C9orf43: variants seen among roughly 807,000 people sequenced by gnomAD.
The protein encoded by C9orf43 is uncharacterized protein C9orf43.
In C9orf43, 45 loss-of-function variants were observed where a neutral mutation model predicts 59.1. The ratio of observed to expected loss-of-function variants is 0.76; its 90% confidence interval spans 0.60 to 0.98. The LOEUF is 0.98. C9orf43 is among the 50% of genes least tolerant of loss of function. The pLI, the probability that C9orf43 is intolerant of heterozygous loss-of-function variation, is 0.00. For synonymous variants in C9orf43, 203 were observed against 196.8 expected (o/e 1.03, Z -0.26); for missense variants, 533 against 554.9 (o/e 0.96, Z 0.40).
intron 3 of C9orf43, among the ~76,000 whole-genome samples, chr9:113,414,976 C>T (rs7857708): frequency 5.9e-5 from 9 of 152,100 alleles, no homozygotes; most frequent in African/African-American, 1.2e-4. Context: ...GAATTACAGG[C>T]GTGCACCACC....
At position 113,425,365 on chromosome 9, in the gene C9orf43, G is replaced by GGCAGCAGCAGCA; in HGVS notation, c.897_908dup (p.Gln301_Gln304dup). 1.2e-6 allele frequency: 2 copies of GGCAGCAGCAGCA among 1,612,518 alleles called. No homozygotes were observed. The highest frequency in any genetic ancestry group is 1.7e-6 in the Non-Finnish European group (2 of 1,179,238). On this transcript the variant is annotated inframe_insertion, in exon 10 of 14. Coordinates refer to ENST00000374165, the MANE Select transcript of C9orf43 (RefSeq NM_001278629.2). Reference sequence around the variant, plus strand: ...CCAGGTTACAGGAAACAGCAGCAGCGGCAGCAGCAGCAGCAGCAGCAACAG... The same window carrying GGCAGCAGCAGCA: ...CCAGGTTACAGGAAACAGCAGCAGCGGCAGCAGCAGCAGCAGCAGCAGCAGCAGCAGCAACAG...
Position 113,421,198 on chromosome 9 carries a change from T to C in C9orf43, c.441T>C (p.His147=), listed in dbSNP as rs997372986. 2 of 1,603,148 alleles carry C rather than the reference T, an allele frequency of 1.2e-6. No homozygotes were observed. The highest frequency in any genetic ancestry group is 1.1e-5 in the South Asian group (1 of 90,838). The change falls in exon 5 of 14, where the codon CAT becomes CAC. Residue 147 remains histidine, a synonymous_variant. Coordinates refer to ENST00000374165, the MANE Select transcript of C9orf43 (RefSeq NM_001278629.2). The part of the protein sequence containing the change: ...VLWIPEETEI[H]VSQHGKKKRK... ...GGATCCCAGAAGAAACAGAGATACA[T>C]GTGAGGTGAGTATCATATCTGGAAC... is the stretch of plus-strand genomic sequence containing the variant.
rs746305455 is a variant in C9orf43 at position 113,421,250 on chromosome 9, C to A, written c.446+47C>A. 5.2e-6 allele frequency: 7 copies of A among 1,344,204 alleles called. No homozygotes were observed. The East Asian group carries it at 1.6e-4, about 31-fold the overall frequency. 83.3% of individuals were successfully genotyped at this position (1,344,204 alleles called of 1,614,324 possible). A position where few individuals can be genotyped will look rare whatever the true frequency, so the allele number is the denominator to read the frequency against. ...CAGAGGACTTTGACTCTATAAATCCCTGATGTCTTCTGCAGCGTCCTTTTT... is the reference window on the plus strand; with the variant it reads ...CAGAGGACTTTGACTCTATAAATCCATGATGTCTTCTGCAGCGTCCTTTTT... On this transcript the variant is annotated intron_variant, in intron 5 of 13. Transcript: ENST00000374165.
At position 113,413,631 on chromosome 9, in the gene C9orf43, C is replaced by T. The variant is rs1828253108; in HGVS notation, c.138C>T (p.Pro46=). 6.2e-7 allele frequency: 1 copy of T among 1,614,138 alleles called. No individual in the cohort carries two copies. The highest frequency in any genetic ancestry group is 8.5e-7 in the Non-Finnish European group (1 of 1,179,960). Residue 46 remains proline (P), a synonymous_variant, in exon 2 of 14, where the codon CCC becomes CCT. Transcript: ENST00000374165. The part of the protein sequence containing the change: ...PRILGSSCKT[P]LDAEDKLPVL... Reference sequence around the variant, plus strand: ...TCCTCGGCTCATCCTGCAAAACTCCCCTGGATGCTGAAGGTGAATTAGCCA... The same window carrying T: ...TCCTCGGCTCATCCTGCAAAACTCCTCTGGATGCTGAAGGTGAATTAGCCA...
At chr9:113,412,521 G>A (rs998566299) in intron 1 of C9orf43, among the ~76,000 whole-genome samples, 2 of 152,158 alleles carry the variant, frequency 1.3e-5, no homozygotes, top group South Asian at 2.1e-4. Flanking sequence ...TCCTTAAAAA[G>A]TTCTTAGGAA....
chr9:113,416,691 T>G (rs1828372675), intron 3 of C9orf43, among the ~76,000 whole-genome samples: 1 of 152,172 alleles, frequency 6.6e-6, no homozygotes, highest in African/African-American at 2.4e-5. Flanking sequence ...GGTTTTTTTT[T>G]TTGTTCTTTT....
Position 113,413,578 on chromosome 9 carries a change from C to G in C9orf43, c.85C>G (p.Arg29Gly), listed in dbSNP as rs140393057. 5.0e-6 allele frequency: 8 copies of G among 1,614,064 alleles called. No homozygotes were observed. Among genetic ancestry groups the G allele is most frequent in the East Asian group, 2.2e-5 (1 of 44,892 alleles). ...GCACCCACAATGCTGGGCAACTATC[C>G]GCCGCATTGAGAGGGGCCATCCTCG... Reference protein sequence around the residue: ...CQHPQCWATIRRIERGHPRIL... With the variant: ...CQHPQCWATIGRIERGHPRIL... The change falls in exon 2 of 14, where the codon CGC (arginine) becomes GGC (glycine). Residue 29 changes from arginine (R) to glycine (G), a missense_variant. Coordinates refer to ENST00000374165, the MANE Select transcript of C9orf43 (RefSeq NM_001278629.2).
At chr9:113,425,302 G>A in intron 9 of C9orf43, 42 bp from the exon 10 acceptor site, 1 of 1,611,322 alleles carries the variant, frequency 6.2e-7, no homozygotes, top group Non-Finnish European at 8.5e-7. Flanking sequence ...TGGGAGAGAG[G>A]GGGCTGTTAG....
chr9:113,413,315 A>C, intron 1 of C9orf43, 130 bp from the exon 2 acceptor site: 2 of 777,724 alleles, frequency 2.6e-6, no homozygotes, highest in Non-Finnish European at 3.7e-6. Flanking sequence ...TCCAATCTTT[A>C]ATTATTTTGT....
chr9:113,421,319 A>C, intron 5 of C9orf43, 116 bp downstream of exon 5: 1 of 710,506 alleles, frequency 1.4e-6, no homozygotes, highest in Admixed American at 2.2e-5. Context: ...GCAGGAGGCC[A>C]AGCAGAGAAG....
At chr9:113,425,893 C>T (rs1180975308) in intron 11 of C9orf43, among the ~76,000 whole-genome samples, 163 bp downstream of exon 11, 1 of 152,174 alleles carries the variant, frequency 6.6e-6, no homozygotes, top group East Asian at 1.9e-4. Flanking sequence ...CATGCACCAT[C>T]CTTCCCTCAT....
chr9:113,423,214 C>A, intron 6 of C9orf43, 112 bp from the exon 7 acceptor site: 2 of 1,025,698 alleles, frequency 1.9e-6, no homozygotes, highest in South Asian at 1.6e-5. Context: ...TCAGAGGAGG[C>A]AACCATGGCT....
chr9:113,421,012 G>C, intron 4 of C9orf43, 91 bp from the exon 5 acceptor site: 4 of 1,070,102 alleles, frequency 3.7e-6, no homozygotes, highest in Non-Finnish European at 5.6e-6. Flanking sequence ...ATCATCTTCT[G>C]TGCCACCAGA....
rs183431270 is a variant in C9orf43 at position 113,424,435 on chromosome 9, C to A, written c.807+119C>A. ...TCCCTTCTGCCTTTCCACTCTGAAC[C>A]CATGCCCCAGAGAAGGCTGGGCTCT... is the stretch of plus-strand genomic sequence containing the variant. On this transcript the variant is annotated intron_variant, in intron 8 of 13. Transcript: ENST00000374165. 4 of 1,105,466 alleles carry A rather than the reference C, an allele frequency of 3.6e-6. No homozygotes were observed. The East Asian group carries it at 9.8e-5, about 27-fold the overall frequency. 68.5% of individuals were successfully genotyped at this position (1,105,466 alleles called of 1,614,324 possible).
chr9:113,422,985 C>T (rs1828641255), intron 6 of C9orf43, among the ~76,000 whole-genome samples: 2 of 152,202 alleles, frequency 1.3e-5, no homozygotes, highest in Admixed American at 6.5e-5. Flanking sequence ...CTGCTATGTC[C>T]ATGAGAGTAG....
intron 5 of C9orf43, 40 bp from the exon 6 acceptor site, chr9:113,422,509 A>G (rs1336766285): frequency 6.2e-7 from 1 of 1,610,570 alleles, no homozygotes; most frequent in Admixed American, 1.7e-5. Flanking sequence ...AGTCCAGCTG[A>G]GAAGCATGTT....
Position 113,423,386 on chromosome 9 carries a change from C to T in C9orf43, c.544C>T (p.Pro182Ser). 6.2e-7 allele frequency: 1 copy of T among 1,614,084 alleles called. No homozygotes were observed. The highest frequency in any genetic ancestry group is 1.1e-5 in the South Asian group (1 of 91,080). Residue 182 changes from proline to serine, a missense_variant, in exon 7 of 14, where the codon CCA becomes TCA. Pro to Ser is a moderately conservative substitution (Grantham distance 74). Transcript: ENST00000374165. ...NQSAGTRVGT[P>S]GMIVPPPTPV... Reference sequence around the variant, plus strand: ...GTCCGCAGGAACACGAGTAGGAACACCAGGGATGATCGTGCCTCCCCCAAC... The same window carrying T: ...GTCCGCAGGAACACGAGTAGGAACATCAGGGATGATCGTGCCTCCCCCAAC...
At chr9:113,420,769 CTT>C in intron 4 of C9orf43, 1 of 985,322 alleles carries the variant, frequency 1.0e-6, no homozygotes, top group Non-Finnish European at 1.2e-6. Flanking sequence ...GGATCTAAGT[CTT>C]TGGAGTGGAG....
intron 11 of C9orf43, among the ~76,000 whole-genome samples, chr9:113,426,530 G>GTTT (rs1182041817): frequency 5.9e-5 from 9 of 152,292 alleles, no homozygotes; most frequent in African/African-American, 1.9e-4. Context: ...GCACTGGGAG[G>GTTT]GCTGAGATGA....
Sources: gnomAD v4.1 joint callset for allele counts (sites outside exome capture counted in the v4.1 genomes callset) on GRCh38, gnomAD v4.1.1 for gene constraint, MANE v1.5 for transcripts, NCBI Gene and HGNC (gene_info 2026-07-23, HGNC 2026-07-21) for gene names.